The following SCFD2 variants were observed in gnomAD, a reference collection of about 807,000 sequenced individuals.
The protein encoded by SCFD2 is sec1 family domain-containing protein 2.
A neutral mutation model predicts 58.9 loss-of-function variants in SCFD2; 54 were observed. The ratio of observed to expected loss-of-function variants is 0.92; its 90% CI spans 0.74 to 1.15. SCFD2 has a LOEUF of 1.15. Among genes scored for constraint, SCFD2 ranks in the 50% most tolerant of loss-of-function variants. The probability of loss-of-function intolerance (pLI) is 0.00; values close to 1 mark genes in which losing one functional copy is unlikely to be tolerated. For missense variants in SCFD2, 805 were observed against 836.6 expected (o/e 0.96, Z 0.47); for synonymous variants, 321 against 335.9 (o/e 0.96, Z 0.49).
chr4:52,877,963 G>A (rs1345757700), intron 8 of SCFD2, among the ~76,000 whole-genome samples: 9 of 152,182 alleles, frequency 5.9e-5, no homozygotes, highest in East Asian at 3.9e-4. Flanking sequence ...CTAACTCCTC[G>A]CAATTTCACA....
At chr4:52,992,502 G>T (rs1351967957) in intron 5 of SCFD2, among the ~76,000 whole-genome samples, 1 of 151,976 alleles carries the variant, frequency 6.6e-6, no homozygotes, top group Non-Finnish European at 1.5e-5. Context: ...TCTGGGATGT[G>T]AGGAGCCCCT....
chr4:53,352,526 G>T, intron 2 of SCFD2, 72 bp downstream of exon 2: 1 of 1,218,746 alleles, frequency 8.2e-7, no homozygotes, highest in Non-Finnish European at 1.1e-6. Context: ...TTTCCTATGG[G>T]AATACTCAGT....
At chr4:53,215,633 T>G (rs892516233) in intron 4 of SCFD2, among the ~76,000 whole-genome samples, 26 of 152,242 alleles carry the variant, frequency 1.7e-4, no homozygotes, top group African/African-American at 6.3e-4. Context: ...TGAATGCCCT[T>G]TATTTCCTTC....
chr4:53,268,234 G>T (rs1271721605), intron 4 of SCFD2, among the ~76,000 whole-genome samples: 2 of 152,086 alleles, frequency 1.3e-5, no homozygotes, highest in East Asian at 3.9e-4. Context: ...CGCAGGGGTT[G>T]TTGGAACCCA....
intron 5 of SCFD2, among the ~76,000 whole-genome samples, chr4:52,927,669 C>T (rs1719894440): frequency 6.6e-6 from 1 of 152,180 alleles, no homozygotes. Flanking sequence ...ACAACTGGCA[C>T]ACACAGGTTT....
At chr4:53,299,491 A>C (rs558364028) in intron 3 of SCFD2, among the ~76,000 whole-genome samples, 2 of 152,196 alleles carry the variant, frequency 1.3e-5, no homozygotes, top group Non-Finnish European at 2.9e-5. Flanking sequence ...TGAAAGTGAC[A>C]GGGAGAATGG....
chr4:53,091,555 A>C (rs1410117965), intron 5 of SCFD2, among the ~76,000 whole-genome samples: 2 of 152,174 alleles, frequency 1.3e-5, no homozygotes, highest in East Asian at 3.8e-4. Context: ...CTCCAGGGAT[A>C]TCTACATAAA....
chr4:53,180,125 T>C (rs968622322), intron 4 of SCFD2, among the ~76,000 whole-genome samples: 1 of 152,168 alleles, frequency 6.6e-6, no homozygotes, highest in East Asian at 1.9e-4. Flanking sequence ...ACCCAGGAAT[T>C]GAACTCAGCT....
At chr4:52,875,144 C>A (rs1325601927) in intron 8 of SCFD2, among the ~76,000 whole-genome samples, 1 of 152,172 alleles carries the variant, frequency 6.6e-6, no homozygotes, top group Non-Finnish European at 1.5e-5. Flanking sequence ...GACAGGCTGG[C>A]CCCAGTGCCC....
chr4:53,194,121 G>T (rs934615722), intron 4 of SCFD2, among the ~76,000 whole-genome samples: 1 of 152,094 alleles, frequency 6.6e-6, no homozygotes, highest in East Asian at 1.9e-4. Context: ...CACAGACAAC[G>T]TACATTTATA....
chr4:53,053,551 T>C (rs1723243396), intron 5 of SCFD2, among the ~76,000 whole-genome samples: 1 of 152,200 alleles, frequency 6.6e-6, no homozygotes, highest in Non-Finnish European at 1.5e-5. Context: ...CCCAATCAGA[T>C]GCCCTCATCT....
chr4:52,885,676 G>T, intron 8 of SCFD2, 71 bp downstream of exon 8: 2 of 1,582,862 alleles, frequency 1.3e-6, no homozygotes, highest in Non-Finnish European at 1.7e-6. Context: ...GGACCCATAG[G>T]TGGAGGGCCC....
intron 3 of SCFD2, among the ~76,000 whole-genome samples, chr4:53,305,792 CTT>C (rs1732496750): frequency 6.6e-6 from 1 of 152,122 alleles, no homozygotes; most frequent in African/African-American, 2.4e-5. Context: ...TTGAGGAACT[CTT>C]TAGGTTTTTA....
intron 2 of SCFD2, among the ~76,000 whole-genome samples, chr4:53,343,425 G>C (rs552321593): frequency 3.3e-5 from 5 of 152,084 alleles, no homozygotes; most frequent in Non-Finnish European, 7.4e-5. Flanking sequence ...TCCCTGAATA[G>C]ACCAATAACA....
At chr4:52,900,057 T>A (rs1219618113) in intron 7 of SCFD2, among the ~76,000 whole-genome samples, 1 of 152,230 alleles carries the variant, frequency 6.6e-6, no homozygotes, top group African/African-American at 2.4e-5. Context: ...TTGTCTAATT[T>A]TTTTTCAAAG....
At chr4:53,364,688 T>C (rs1313336453) in intron 1 of SCFD2, among the ~76,000 whole-genome samples, 1 of 151,720 alleles carries the variant, frequency 6.6e-6, no homozygotes, top group Admixed American at 6.6e-5. Context: ...TGTGCAGTAG[T>C]TTTCCTTCCG....
At chr4:53,223,791 A>G (rs1338838593) in intron 4 of SCFD2, among the ~76,000 whole-genome samples, 1 of 152,234 alleles carries the variant, frequency 6.6e-6, no homozygotes, top group Non-Finnish European at 1.5e-5. Context: ...AGAGAGCTCT[A>G]TTTATGCCAG....
At chr4:53,178,975 A>G (rs759663606) in intron 4 of SCFD2, among the ~76,000 whole-genome samples, 2 of 152,236 alleles carry the variant, frequency 1.3e-5, no homozygotes, top group African/African-American at 4.8e-5. Flanking sequence ...AAAGGAACAA[A>G]GCCTCTAAGA....
At chr4:53,206,361 C>G (rs1259486738) in intron 4 of SCFD2, among the ~76,000 whole-genome samples, 2 of 151,946 alleles carry the variant, frequency 1.3e-5, no homozygotes, top group Non-Finnish European at 2.9e-5. Context: ...TGAAGATGTT[C>G]CAGAGGAAGT....
Sources: allele counts gnomAD v4.1 joint callset (sites outside exome capture counted in the v4.1 genomes callset), GRCh38; gene constraint gnomAD v4.1.1; transcripts MANE v1.5; gene names NCBI Gene and HGNC (gene_info 2026-07-23, HGNC 2026-07-21).